PTPRG: variants seen among roughly 807,000 people sequenced by gnomAD.
The protein encoded by PTPRG is receptor-type tyrosine-protein phosphatase gamma.
A neutral mutation model predicts 165.3 loss-of-function variants in PTPRG; 102 were observed. The ratio of observed to expected loss-of-function variants is 0.62; its 90% confidence interval spans 0.53 to 0.73. The LOEUF (loss-of-function observed/expected upper bound fraction) is 0.73, where lower values mean the gene tolerates loss of function less well. Ranked by LOEUF, PTPRG falls within the 30% of genes least tolerant of loss-of-function variation. The probability of loss-of-function intolerance (pLI) is 0.00; values close to 1 mark genes in which losing one functional copy is unlikely to be tolerated. For missense variants in PTPRG, 1,866 were observed against 1,861.4 expected, an observed-to-expected ratio of 1.00 and a Z score of -0.05; for synonymous variants, 675 against 669.5, an observed-to-expected ratio of 1.01 and a Z score of -0.13.
intron 6 of PTPRG, among the ~76,000 whole-genome samples, chr3:62,137,883 G>A (rs1253262511): frequency 6.6e-6 from 1 of 152,150 alleles, no homozygotes; most frequent in Non-Finnish European, 1.5e-5. Context: ...TCCACTTATC[G>A]AGCTTTTTTA....
intron 2 of PTPRG, among the ~76,000 whole-genome samples, chr3:61,924,906 C>T (rs1442789596): frequency 6.6e-6 from 1 of 152,196 alleles, no homozygotes; most frequent in Non-Finnish European, 1.5e-5. Flanking sequence ...GTAATTAGGT[C>T]ATAAGCGTGG....
At chr3:61,583,928 A>C (rs1700369764) in intron 1 of PTPRG, among the ~76,000 whole-genome samples, 1 of 152,194 alleles carries the variant, frequency 6.6e-6, no homozygotes, top group Non-Finnish European at 1.5e-5. Flanking sequence ...AAGGGCACCA[A>C]TATCAGCTGG....
At position 62,271,344 on chromosome 3, in the gene PTPRG, C is replaced by A; in HGVS notation, c.3010-39C>A. On this transcript the variant is annotated intron_variant, in intron 20 of 29. Transcript: ENST00000474889. The surrounding 1 kb of genome is among the most constrained non-coding windows in gnomAD (Gnocchi z 4.1). ...CATTATTTTTTTCCAGAATGTCCAC[C>A]CCCCCGCTTAAAGACATCTTTTTTC... The A allele has an allele frequency of 2.0e-6, 3 of 1,520,362 alleles. No homozygotes were observed. Among genetic ancestry groups the A allele is most frequent in the African/African-American group, 2.8e-5 (2 of 72,248 alleles). The allele number at this position is 1,520,362 out of a possible 1,614,324, so 94.2% of individuals were successfully genotyped here.
At chr3:62,270,630 A>C (rs997749371) in intron 20 of PTPRG, among the ~76,000 whole-genome samples, 2 of 152,208 alleles carry the variant, frequency 1.3e-5, no homozygotes, top group African/African-American at 4.8e-5. Context: ...GAAGAATTAA[A>C]TTAAAGCCAT....
At chr3:61,948,353 C>T (rs976892626) in intron 2 of PTPRG, among the ~76,000 whole-genome samples, 1 of 152,062 alleles carries the variant, frequency 6.6e-6, no homozygotes, top group African/African-American at 2.4e-5. Flanking sequence ...AAACTGTTGA[C>T]TGCTCATAAA....
chr3:62,082,958 T>G (rs929193532), intron 5 of PTPRG, among the ~76,000 whole-genome samples: 2 of 152,206 alleles, frequency 1.3e-5, no homozygotes, highest in African/African-American at 2.4e-5. Context: ...TTTGGGTTTG[T>G]TCCCTATCGA....
intron 1 of PTPRG, among the ~76,000 whole-genome samples, chr3:61,660,117 C>T (rs143152303): frequency 0.013 from 1,972 of 152,142 alleles, 33 homozygotes; most frequent in African/African-American, 0.044. Flanking sequence ...CCCAGCTACT[C>T]AGGAGGCTGA....
intron 3 of PTPRG, among the ~76,000 whole-genome samples, chr3:61,991,450 C>T (rs39633): frequency 0.47 from 72,140 of 152,046 alleles, 17,436 homozygotes; most frequent in Middle Eastern, 0.54. Context: ...AGGTGATCTC[C>T]TCGCCTCGAC....
intron 12 of PTPRG, among the ~76,000 whole-genome samples, chr3:62,215,121 A>T (rs1576144791): frequency 1.3e-5 from 2 of 152,104 alleles, no homozygotes; most frequent in African/African-American, 2.4e-5. Flanking sequence ...TGGGTTGGGG[A>T]TGGAAGGCTC....
intron 2 of PTPRG, among the ~76,000 whole-genome samples, chr3:61,844,014 A>G: frequency 6.9e-6 from 1 of 144,876 alleles, no homozygotes; most frequent in African/African-American, 2.6e-5. Flanking sequence ...CCCAGGCTGG[A>G]GTGCAGTGGC....
chr3:61,590,551 C>T (rs1053231821), intron 1 of PTPRG, among the ~76,000 whole-genome samples: 6 of 151,936 alleles, frequency 3.9e-5, no homozygotes, highest in Non-Finnish European at 8.8e-5. Flanking sequence ...TACATAAATA[C>T]GTTTTTTTCT....
intron 4 of PTPRG, among the ~76,000 whole-genome samples, chr3:62,052,312 T>C (rs1379032625): frequency 1.3e-5 from 2 of 152,310 alleles, no homozygotes; most frequent in South Asian, 2.1e-4. Context: ...GTGTGTAGTT[T>C]ATCGGTAAAT....
At chr3:61,905,257 A>G (rs2038612638) in intron 2 of PTPRG, among the ~76,000 whole-genome samples, 1 of 152,178 alleles carries the variant, frequency 6.6e-6, no homozygotes, top group Non-Finnish European at 1.5e-5. Context: ...TTAGGGACAT[A>G]GGGAGCTTGA....
chr3:62,146,634 A>AG (rs1704133942), intron 6 of PTPRG, among the ~76,000 whole-genome samples: 1 of 151,358 alleles, frequency 6.6e-6, no homozygotes, highest in Admixed American at 6.6e-5. Context: ...TTGCTTTTAA[A>AG]AAAAAAAAAA....
chr3:62,257,798 A>C (rs1701575119), intron 16 of PTPRG, among the ~76,000 whole-genome samples: 1 of 152,070 alleles, frequency 6.6e-6, no homozygotes, highest in African/African-American at 2.4e-5. Context: ...CTACAAAAAA[A>C]ATTTTTTTTA....
chr3:62,117,854 T>G (rs897159983), intron 5 of PTPRG, among the ~76,000 whole-genome samples: 6 of 152,244 alleles, frequency 3.9e-5, no homozygotes, highest in Non-Finnish European at 5.9e-5. Flanking sequence ...TTGTTGGCAC[T>G]TATTAGGTGC....
intron 3 of PTPRG, 50 bp downstream of exon 3, chr3:61,989,854 G>A: frequency 6.3e-7 from 1 of 1,590,832 alleles, no homozygotes; most frequent in Non-Finnish European, 8.6e-7. Flanking sequence ...AACTATTTTT[G>A]GATGTCTCTG....
At chr3:61,594,543 C>T (rs1419242672) in intron 1 of PTPRG, among the ~76,000 whole-genome samples, 1 of 152,140 alleles carries the variant, frequency 6.6e-6, no homozygotes, top group African/African-American at 2.4e-5. Context: ...CCCCCATCTG[C>T]ATACCACCTC....
At chr3:61,653,563 A>G (rs114495040) in intron 1 of PTPRG, among the ~76,000 whole-genome samples, 3,440 of 152,276 alleles carry the variant, frequency 0.023, 61 homozygotes, top group Non-Finnish European at 0.036. Flanking sequence ...CTTGGATAGA[A>G]CAGTGAACAA....
Sources: gnomAD v4.1 joint callset for allele counts (sites outside exome capture counted in the v4.1 genomes callset) on GRCh38, gnomAD v4.1.1 for gene constraint, Gnocchi (gnomAD v3.1) non-coding constraint, MANE v1.5 for transcripts, NCBI Gene and HGNC (gene_info 2026-07-23, HGNC 2026-07-21) for gene names.